Variants in ATP11A observed in about 807,000 individuals in gnomAD.
The protein encoded by ATP11A is phospholipid-transporting ATPase IH.
ATP11A carries 81 observed loss-of-function variants against 154.4 expected under a neutral mutation model. That is an observed-to-expected ratio of 0.52 (90% CI 0.44 to 0.63). The LOEUF (loss-of-function observed/expected upper bound fraction) is 0.63. Among genes scored for constraint, ATP11A ranks in the 30% least tolerant of loss-of-function variants. The probability of loss-of-function intolerance (pLI) is 0.00; values close to 1 mark genes in which losing one functional copy is unlikely to be tolerated. For missense variants in ATP11A, 1,316 were observed against 1,474.3 expected, an observed-to-expected ratio of 0.89 and a Z score of 1.76; for synonymous variants, 623 against 585.9, an observed-to-expected ratio of 1.06 and a Z score of -0.91.
At chr13:112,724,133 C>T (rs1167915892) in intron 1 of ATP11A, among the ~76,000 whole-genome samples, 1 of 124,712 alleles carries the variant, frequency 8.0e-6, no homozygotes, top group Non-Finnish European at 1.7e-5. Flanking sequence ...TCCCCCATCG[C>T]CCCCTTCACC....
intron 1 of ATP11A, chr13:112,703,282 C>T (rs888345441): frequency 6.6e-6 from 1 of 152,218 alleles, no homozygotes; most frequent in African/African-American, 2.4e-5. Flanking sequence ...CTCTCTTCCT[C>T]CTCGTAACCA....
intron 2 of ATP11A, among the ~76,000 whole-genome samples, chr13:112,798,146 C>T (rs962595326): frequency 1.3e-5 from 2 of 152,184 alleles, no homozygotes; most frequent in Admixed American, 6.5e-5. Flanking sequence ...GGGAGGAGCC[C>T]GCATGGCGGA....
rs7989237 is a variant in ATP11A at position 112,858,458 on chromosome 13, G to A, written c.2667+168G>A. ...GATTGCAGTCATCTCTTGCTTAGCT[G>A]TGACTTTGCTTTTTACAGTTTCCAT... On this transcript the variant is annotated intron_variant, in intron 22 of 29. Transcript: ENST00000375645. 0.035 allele frequency: 25,831 copies of A among 728,384 alleles called. 3,874 individuals carry two copies. The African/African-American group carries it at 0.36, about 10-fold the overall frequency. The allele number at this position is 728,384 out of a possible 1,614,324, so 45.1% of individuals were successfully genotyped here.
chr13:112,786,978 CG>C (rs1444638473), intron 2 of ATP11A, among the ~76,000 whole-genome samples: 3 of 145,040 alleles, frequency 2.1e-5, no homozygotes, highest in Non-Finnish European at 4.5e-5. Context: ...TGTCCTGATG[CG>C]TAGACCCCTG....
intron 1 of ATP11A, among the ~76,000 whole-genome samples, chr13:112,736,863 G>A (rs930403154): frequency 2.0e-5 from 3 of 152,190 alleles, no homozygotes; most frequent in Non-Finnish European, 4.4e-5. Context: ...TCCACAGGAC[G>A]GGAGAGAGGA....
chr13:112,860,656 G>C, intron 24 of ATP11A: 1 of 430,686 alleles, frequency 2.3e-6, no homozygotes, highest in East Asian at 3.9e-5. Flanking sequence ...GAGCCAGTTT[G>C]CACTTTCCTG....
rs916355321 is a variant in ATP11A at position 112,697,793 on chromosome 13, C to G, written c.39+7338C>G. ...TTCACCATATTGGCCAGGCTGGTCT[C>G]GAACTCCTGACCTCAGATGATCCGC... On this transcript the variant is annotated intron_variant, in intron 1 of 29. Transcript: ENST00000375645. The surrounding 1 kb of genome is among the most constrained non-coding windows in gnomAD (Gnocchi z 4.0). Among the ~76,000 whole-genome samples, 1 of 148,902 alleles carries G rather than the reference C, an allele frequency of 6.7e-6. No individual in the cohort carries two copies. The highest frequency in any genetic ancestry group is 1.5e-5 in the Non-Finnish European group (1 of 67,708).
intron 25 of ATP11A, among the ~76,000 whole-genome samples, chr13:112,869,439 C>T (rs550220865): frequency 5.4e-4 from 83 of 152,324 alleles, no homozygotes; most frequent in Non-Finnish European, 9.6e-4. Flanking sequence ...GGCAGTTTCT[C>T]GGCTCACAGC....
In ATP11A at chr13:112,813,524, G is replaced by C. The variant is rs533716356; in HGVS notation, c.442-2559G>C. 5.3e-5 allele frequency among the ~76,000 whole-genome samples: 8 copies of C among 152,326 alleles called. No individual in the cohort carries two copies. In the South Asian group the frequency reaches 6.2e-4, roughly 12 times the overall value. On this transcript the variant is annotated intron_variant, in intron 5 of 29. Coordinates refer to ENST00000375645, the MANE Select transcript of ATP11A (RefSeq NM_015205.3). Reference sequence around the variant, plus strand: ...CCATTCACAAGTTGAAGGGCTTTTCGATTTTTCTAGTTTGGGGCTGTTATC... The same window carrying C: ...CCATTCACAAGTTGAAGGGCTTTTCCATTTTTCTAGTTTGGGGCTGTTATC...
intron 25 of ATP11A, among the ~76,000 whole-genome samples, chr13:112,865,519 A>G (rs2080301223): frequency 6.6e-6 from 1 of 152,226 alleles, no homozygotes; most frequent in South Asian, 2.1e-4. Flanking sequence ...GTGTTGCTGT[A>G]AGGAAATGTC....
intron 1 of ATP11A, among the ~76,000 whole-genome samples, chr13:112,757,952 T>A (rs2076879765): frequency 6.6e-6 from 1 of 152,242 alleles, no homozygotes; most frequent in African/African-American, 2.4e-5. Flanking sequence ...CCCAGAGAGC[T>A]GCTTCTGAAC....
At chr13:112,834,789 G>A (rs554049913) in intron 15 of ATP11A, 129 bp downstream of exon 15, 106 of 696,992 alleles carry the variant, frequency 1.5e-4, no homozygotes, top group Admixed American at 3.3e-4. Flanking sequence ...CTCCTTCCCA[G>A]TGACACCCCA....
At chr13:112,857,718 C>A in intron 20 of ATP11A, 100 bp from the exon 21 acceptor site, 3 of 968,862 alleles carry the variant, frequency 3.1e-6, no homozygotes, top group Non-Finnish European at 3.1e-6. Flanking sequence ...TTTTATTTGC[C>A]TAGGCTAACT....
Position 112,834,603 on chromosome 13 carries a change from A to C in ATP11A, c.1574A>C (p.Tyr525Ser), listed in dbSNP as rs745957851. Reference sequence around the variant, plus strand: ...TCTCATTGCAGACTTGGCTTTACCTACCTAAGGCTGAAGGACAATTACATG... The same window carrying C: ...TCTCATTGCAGACTTGGCTTTACCTCCCTAAGGCTGAAGGACAATTACATG... Reference protein sequence around the residue: ...VEGVQRLGFTYLRLKDNYMEI... With the variant: ...VEGVQRLGFTSLRLKDNYMEI... The change falls in exon 15 of 30, where the codon TAC becomes TCC. Residue 525 changes from tyrosine to serine, a missense_variant. Tyr to Ser is a moderately radical substitution (Grantham distance 144). This residue lies in a region of ATP11A where 876 missense variants were observed against 1,006.8 expected (regional missense o/e 0.87). Coordinates refer to ENST00000375645, the MANE Select transcript of ATP11A (RefSeq NM_015205.3). The C allele has an allele frequency of 6.2e-7, 1 of 1,613,864 alleles. No individual in the cohort carries two copies. The highest frequency in any genetic ancestry group is 8.5e-7 in the Non-Finnish European group (1 of 1,179,754).
rs1409522359 is a variant in ATP11A at position 112,807,470 on chromosome 13, C to T, written c.333+1177C>T. On this transcript the variant is annotated intron_variant, in intron 4 of 29. Coordinates refer to ENST00000375645, the MANE Select transcript of ATP11A (RefSeq NM_015205.3). This position sits in a 1 kb window ranked among gnomAD's most constrained non-coding sequence, Gnocchi z 4.5. ...GGCAGAACACAGCACAGTAACGAAACGAACTGTGCTGCCTGGAGAACAGAA... is the reference window on the plus strand; with the variant it reads ...GGCAGAACACAGCACAGTAACGAAATGAACTGTGCTGCCTGGAGAACAGAA... 6.6e-6 allele frequency among the ~76,000 whole-genome samples: 1 copy of T among 152,188 alleles called. No homozygotes were observed. Among genetic ancestry groups the T allele is most frequent in the African/African-American group, 2.4e-5 (1 of 41,448 alleles).
intron 1 of ATP11A, among the ~76,000 whole-genome samples, chr13:112,782,209 G>A (rs1294834818): frequency 1.3e-5 from 2 of 152,188 alleles, no homozygotes; most frequent in Non-Finnish European, 2.9e-5. Flanking sequence ...CATCCTGATC[G>A]TTCCTCCATG....
At chr13:112,766,776 T>C in intron 1 of ATP11A, among the ~76,000 whole-genome samples, 1 of 146,178 alleles carries the variant, frequency 6.8e-6, no homozygotes, top group Non-Finnish European at 1.5e-5. Context: ...TGAACATGGA[T>C]TCCTGTGAGG....
chr13:112,854,149 AGT>A, intron 18 of ATP11A, 128 bp from the exon 19 acceptor site: 1 of 1,222,956 alleles, frequency 8.2e-7, no homozygotes, highest in Non-Finnish European at 1.1e-6. Context: ...CATGAGCCAC[AGT>A]GTGGAGTGTT....
chr13:112,866,815 T>C (rs1023368215), intron 25 of ATP11A, among the ~76,000 whole-genome samples: 1 of 151,870 alleles, frequency 6.6e-6, no homozygotes, highest in African/African-American at 2.4e-5. Flanking sequence ...ACTGCTGTTA[T>C]CCTTCGTCAT....
Sources: gnomAD v4.1 joint callset for allele counts (sites outside exome capture counted in the v4.1 genomes callset) on GRCh38, gnomAD v4.1.1 for gene constraint, gnomAD v4.1.1 regional missense constraint, Gnocchi (gnomAD v3.1) non-coding constraint, MANE v1.5 for transcripts, NCBI Gene and HGNC (gene_info 2026-07-23, HGNC 2026-07-21) for gene names.